CNBD1: variants seen among roughly 807,000 people sequenced by gnomAD.
CNBD1 encodes cyclic nucleotide binding domain containing 1, also known as cyclic nucleotide-binding domain-containing protein 1.
In CNBD1, 71 loss-of-function variants were observed where a neutral mutation model predicts 54.4. That is an observed-to-expected ratio of 1.30 (90% CI 1.08 to 1.59). The LOEUF (loss-of-function observed/expected upper bound fraction) is 1.59. Among genes scored for constraint, CNBD1 ranks in the 40% most tolerant of loss-of-function variants. The probability of loss-of-function intolerance (pLI) is 0.00; values close to 1 mark genes in which losing one functional copy is unlikely to be tolerated. For missense variants in CNBD1, 659 were observed against 518.0 expected, an observed-to-expected ratio of 1.27 and a Z score of -2.64; for synonymous variants, 182 against 170.7, an observed-to-expected ratio of 1.07 and a Z score of -0.51.
intron 4 of CNBD1, among the ~76,000 whole-genome samples, chr8:87,094,466 G>T (rs1197472613): frequency 6.8e-6 from 1 of 146,858 alleles, no homozygotes; most frequent in Non-Finnish European, 1.5e-5. Flanking sequence ...TCCCTGTCCA[G>T]GTTCATGTTA....
chr8:87,243,612 G>C (rs979705999), intron 6 of CNBD1, among the ~76,000 whole-genome samples: 1 of 151,972 alleles, frequency 6.6e-6, no homozygotes, highest in Non-Finnish European at 1.5e-5. Flanking sequence ...TTATTCATGG[G>C]CATTTTTGAA....
At chr8:87,411,366 C>T (rs1807738340) in intron 2 of CNBD1, among the ~76,000 whole-genome samples, 1 of 129,282 alleles carries the variant, frequency 7.7e-6, no homozygotes, top group African/African-American at 3.0e-5. Flanking sequence ...TTTGCCCAAG[C>T]ATTTCATAGG....
Position 86,937,927 on chromosome 8 carries a change from C to T in CNBD1, c.273-1669C>T, listed in dbSNP as rs1458231029. ...TCTTTTCTACTGCATTTTCAGGCTG[C>T]AAATTTTCTGAACTTTTATGCTCTG... On this transcript the variant is annotated intron_variant, in intron 3 of 10. Transcript: ENST00000518476. Among the ~76,000 whole-genome samples, 5 of 152,302 alleles carry T rather than the reference C, an allele frequency of 3.3e-5. No homozygotes were observed. The South Asian group carries it at 6.2e-4, about 19-fold the overall frequency.
intron 10 of CNBD1, among the ~76,000 whole-genome samples, chr8:87,370,251 G>A: frequency 6.6e-6 from 1 of 152,022 alleles, no homozygotes; most frequent in Non-Finnish European, 1.5e-5. Flanking sequence ...CCAGTAATGG[G>A]ATGGCTGGGT....
chr8:86,962,796 CAA>C (rs1196243362), intron 4 of CNBD1, among the ~76,000 whole-genome samples: 1 of 145,908 alleles, frequency 6.9e-6, no homozygotes, highest in Non-Finnish European at 1.6e-5. Context: ...AAAAAAAACA[CAA>C]AAAACAAAAA....
At chr8:87,386,301 G>A (rs189670054), downstream of CNBD1, among the ~76,000 whole-genome samples, 1 of 152,002 alleles carries the variant, frequency 6.6e-6, no homozygotes, top group African/African-American at 2.4e-5. Flanking sequence ...GTTTTCAGAC[G>A]ATCAAACTAC....
chr8:87,166,361 G>A lies in CNBD1; in HGVS notation c.432-39632G>A, dbSNP rs1008782401. 2.0e-5 allele frequency among the ~76,000 whole-genome samples: 3 copies of A among 151,766 alleles called. No individual in the cohort carries two copies. The highest frequency in any genetic ancestry group is 4.4e-5 in the Non-Finnish European group (3 of 67,880). On this transcript the variant is annotated intron_variant, in intron 4 of 10. Transcript: ENST00000518476. This position sits in a 1 kb window ranked among gnomAD's most constrained non-coding sequence, Gnocchi z 4.3. ...TGTCTCCAGGTCACCATAGCTTCTC[G>A]CTTTGATACTTCAATAGCCTCCTTG...
At chr8:86,955,340 A>G (rs1342276512) in intron 4 of CNBD1, among the ~76,000 whole-genome samples, 1 of 152,194 alleles carries the variant, frequency 6.6e-6, no homozygotes, top group Non-Finnish European at 1.5e-5. Flanking sequence ...TCCTTTGGGT[A>G]TATACCCAGT....
chr8:87,325,778 T>C (rs968704541), intron 8 of CNBD1, among the ~76,000 whole-genome samples: 4 of 149,236 alleles, frequency 2.7e-5, no homozygotes, highest in African/African-American at 7.5e-5. Flanking sequence ...CTGTGTCTTT[T>C]AATTGGAGCA....
chr8:86,875,281 G>A (rs1808503396), intron 1 of CNBD1, among the ~76,000 whole-genome samples: 1 of 152,002 alleles, frequency 6.6e-6, no homozygotes, highest in South Asian at 2.1e-4. Flanking sequence ...TTACCTGGTT[G>A]TTCTGAGACT....
At chr8:87,158,215 T>A (rs1812785133) in intron 4 of CNBD1, among the ~76,000 whole-genome samples, 1 of 152,082 alleles carries the variant, frequency 6.6e-6, no homozygotes, top group Non-Finnish European at 1.5e-5. Context: ...CAGCTATGAC[T>A]TTTGCTAAGT....
At chr8:86,875,750 T>C (rs780975159) in intron 1 of CNBD1, among the ~76,000 whole-genome samples, 26 of 152,132 alleles carry the variant, frequency 1.7e-4, no homozygotes, top group Non-Finnish European at 1.6e-4. Context: ...TTAAAAAAAA[T>C]AAACTTTTTT....
At chr8:87,141,362 G>A (rs137956448) in intron 4 of CNBD1, among the ~76,000 whole-genome samples, 127 of 152,210 alleles carry the variant, frequency 8.3e-4, no homozygotes, top group African/African-American at 2.8e-3. Flanking sequence ...AAGAGGAAGA[G>A]ACTGTGTAAA....
chr8:87,004,378 G>A (rs1296612297), intron 4 of CNBD1, among the ~76,000 whole-genome samples: 1 of 151,972 alleles, frequency 6.6e-6, no homozygotes, highest in African/African-American at 2.4e-5. Flanking sequence ...TTTCCTTTGT[G>A]TTTGCATGGA....
At chr8:87,346,416 T>G (rs971981250) in intron 8 of CNBD1, among the ~76,000 whole-genome samples, 1 of 151,976 alleles carries the variant, frequency 6.6e-6, no homozygotes. Flanking sequence ...AATAATACTT[T>G]TATTAATTAT....
chr8:87,309,472 G>A (rs543662110), intron 8 of CNBD1, among the ~76,000 whole-genome samples: 3 of 152,156 alleles, frequency 2.0e-5, no homozygotes, highest in Admixed American at 6.5e-5. Flanking sequence ...TAGTGCTATT[G>A]CTTTGTGTAT....
intron 8 of CNBD1, among the ~76,000 whole-genome samples, chr8:87,333,607 G>A (rs1180436908): frequency 6.6e-6 from 1 of 152,046 alleles, no homozygotes; most frequent in Non-Finnish European, 1.5e-5. Flanking sequence ...TTTATTGAAG[G>A]CCTTTTCTGT....
At chr8:87,268,307 T>G (rs1270486729) in intron 6 of CNBD1, among the ~76,000 whole-genome samples, 2 of 152,190 alleles carry the variant, frequency 1.3e-5, no homozygotes, top group African/African-American at 2.4e-5. Flanking sequence ...GGTTTTGTGT[T>G]AGTTCATGGT....
chr8:87,046,840 A>G (rs1276252811), intron 4 of CNBD1, among the ~76,000 whole-genome samples: 1 of 151,912 alleles, frequency 6.6e-6, no homozygotes, highest in Non-Finnish European at 1.5e-5. Flanking sequence ...CTCAGTCCAG[A>G]CATCTCCTTT....
Sources: allele counts gnomAD v4.1 joint callset (sites outside exome capture counted in the v4.1 genomes callset), GRCh38; gene constraint gnomAD v4.1.1; non-coding constraint Gnocchi (gnomAD v3.1); transcripts MANE v1.5; gene names NCBI Gene and HGNC (gene_info 2026-07-23, HGNC 2026-07-21).